Variants in BTRC observed in about 807,000 individuals in gnomAD.
The protein encoded by BTRC is F-box/WD repeat-containing protein 1A.
Under a neutral mutation model 85.5 loss-of-function variants are expected in BTRC, and 42 were observed. The ratio of observed to expected loss-of-function variants is 0.49; its 90% CI spans 0.38 to 0.64. BTRC has a LOEUF of 0.64. Among genes scored for constraint, BTRC ranks in the 30% least tolerant of loss-of-function variants. The probability of loss-of-function intolerance (pLI) is 0.00; values close to 1 mark genes in which losing one functional copy is unlikely to be tolerated. For synonymous variants in BTRC, 255 were observed against 263.3 expected, an observed-to-expected ratio of 0.97 and a Z score of 0.30; for missense variants, 594 against 743.5, an observed-to-expected ratio of 0.80 and a Z score of 2.34.
chr10:101,535,346 T>C lies in BTRC; in HGVS notation c.1348-8T>C, dbSNP rs781710514. Reference sequence around the variant, plus strand: ...AAATCAACTGCTCAATGCCATTTTCTTTTTCAGGTATGGAACACAAGTACT... The same window carrying C: ...AAATCAACTGCTCAATGCCATTTTCCTTTTCAGGTATGGAACACAAGTACT... On this transcript the variant is annotated splice_polypyrimidine_tract_variant and splice_region_variant and intron_variant, in intron 10 of 14. Coordinates refer to ENST00000370187, the MANE Select transcript of BTRC (RefSeq NM_033637.4). 6.2e-7 allele frequency: 1 copy of C among 1,606,276 alleles called. No individual in the cohort carries two copies. Among genetic ancestry groups the C allele is most frequent in the Non-Finnish European group, 8.5e-7 (1 of 1,174,676 alleles).
chr10:101,399,033 A>G (rs551183551), intron 1 of BTRC, among the ~76,000 whole-genome samples: 8 of 152,312 alleles, frequency 5.3e-5, no homozygotes, highest in Admixed American at 3.3e-4. Flanking sequence ...GCTCACTGCA[A>G]CGTCCGCCTC....
At chr10:101,466,784 TA>T (rs1289484771) in intron 3 of BTRC, among the ~76,000 whole-genome samples, 5 of 152,232 alleles carry the variant, frequency 3.3e-5, no homozygotes, top group Non-Finnish European at 7.3e-5. Flanking sequence ...CTGGGCCTTA[TA>T]AAAGGAACTA....
intron 1 of BTRC, among the ~76,000 whole-genome samples, chr10:101,418,121 C>G (rs1480642853): frequency 6.6e-6 from 1 of 152,148 alleles, no homozygotes; most frequent in Non-Finnish European, 1.5e-5. Flanking sequence ...AATCCCAGCA[C>G]TTTGAGAGGC....
chr10:101,428,382 A>G (rs1944315129), intron 1 of BTRC, among the ~76,000 whole-genome samples: 1 of 152,210 alleles, frequency 6.6e-6, no homozygotes, highest in South Asian at 2.1e-4. Flanking sequence ...AGTGAAGACA[A>G]TTATTTTTCT....
At chr10:101,445,194 C>A (rs1203591699) in intron 2 of BTRC, among the ~76,000 whole-genome samples, 2 of 152,090 alleles carry the variant, frequency 1.3e-5, no homozygotes, top group African/African-American at 4.8e-5. Context: ...TTCTTAGATT[C>A]TGTTTTTCAA....
intron 1 of BTRC, among the ~76,000 whole-genome samples, chr10:101,410,895 T>C (rs1943758254): frequency 6.6e-6 from 1 of 152,176 alleles, no homozygotes; most frequent in African/African-American, 2.4e-5. Flanking sequence ...TTCATGTATA[T>C]TATGAACACT....
chr10:101,488,474 A>G (rs925574235), intron 4 of BTRC, among the ~76,000 whole-genome samples: 1 of 152,210 alleles, frequency 6.6e-6, no homozygotes, highest in African/African-American at 2.4e-5. Context: ...TCATCCATTC[A>G]AAGCTCAGAT....
At chr10:101,364,070 A>G (rs561416292) in intron 1 of BTRC, among the ~76,000 whole-genome samples, 5 of 152,204 alleles carry the variant, frequency 3.3e-5, no homozygotes, top group Non-Finnish European at 5.9e-5. Flanking sequence ...GCACAATACT[A>G]TAGTGACAGT....
chr10:101,488,992 G>C (rs1239400875), intron 4 of BTRC, among the ~76,000 whole-genome samples: 2 of 152,046 alleles, frequency 1.3e-5, no homozygotes, highest in Non-Finnish European at 2.9e-5. Context: ...TGCATTTACA[G>C]AAACTTAAGT....
intron 1 of BTRC, among the ~76,000 whole-genome samples, chr10:101,368,492 T>C (rs1942539115): frequency 1.3e-5 from 1 of 78,970 alleles, no homozygotes; most frequent in Non-Finnish European, 3.2e-5. Flanking sequence ...TTTTTTTTTT[T>C]TTTTAGAGAC....
chr10:101,512,607 G>C (rs928172851), intron 4 of BTRC, among the ~76,000 whole-genome samples: 1 of 152,178 alleles, frequency 6.6e-6, no homozygotes, highest in Admixed American at 6.5e-5. Context: ...TACAATGATA[G>C]TTGATGATCA....
chr10:101,452,224 A>C (rs572703856), intron 2 of BTRC, among the ~76,000 whole-genome samples: 1 of 152,366 alleles, frequency 6.6e-6, no homozygotes, highest in South Asian at 2.1e-4. Context: ...CAGTTTCTGC[A>C]TACTAGCATA....
chr10:101,435,258 C>G (rs116990303), intron 2 of BTRC, among the ~76,000 whole-genome samples: 72 of 152,180 alleles, frequency 4.7e-4, no homozygotes, highest in Admixed American at 9.2e-4. Context: ...TAAGTGTACT[C>G]TTAGGTGAGT....
In BTRC at chr10:101,436,618, T is replaced by TA. The variant is rs1180492372; in HGVS notation, c.156+6174dup. Reference sequence around the variant, plus strand: ...TGACAGAGTGAGACCCTGTTTCAATTAAAAAAAATAGATAGATAGATAGAT... The same window carrying TA: ...TGACAGAGTGAGACCCTGTTTCAATTAAAAAAAAATAGATAGATAGATAGAT... On this transcript the variant is annotated intron_variant, in intron 2 of 14. Transcript: ENST00000370187. Among the ~76,000 whole-genome samples, 3 of 120,762 alleles carry TA rather than the reference T, an allele frequency of 2.5e-5. No individual in the cohort carries two copies. In the South Asian group the frequency reaches 8.3e-4, roughly 33 times the overall value. The allele number at this position is 120,762 out of a possible 152,430, so 79.2% of individuals were successfully genotyped here.
chr10:101,412,010 C>T (rs1219637200), intron 1 of BTRC, among the ~76,000 whole-genome samples: 1 of 152,128 alleles, frequency 6.6e-6, no homozygotes, highest in African/African-American at 2.4e-5. Flanking sequence ...CTTTCTAAGG[C>T]TCCTAGTGAA....
chr10:101,517,247 A>G (rs2062035809), intron 4 of BTRC, among the ~76,000 whole-genome samples: 1 of 152,130 alleles, frequency 6.6e-6, no homozygotes, highest in Non-Finnish European at 1.5e-5. Context: ...GTGTATATAA[A>G]ATGGCCTAAT....
intron 2 of BTRC, among the ~76,000 whole-genome samples, chr10:101,450,635 T>A (rs899936066): frequency 6.6e-6 from 1 of 152,194 alleles, no homozygotes; most frequent in African/African-American, 2.4e-5. Context: ...TAATAGGTAG[T>A]ACAGCCGAGT....
In BTRC at chr10:101,532,937, T is replaced by C. The variant is rs1331683776; in HGVS notation, c.979-15T>C. On this transcript the variant is annotated splice_polypyrimidine_tract_variant and intron_variant, in intron 8 of 14. Transcript: ENST00000370187. ...ATCATCACATTGATCAAAAGGATCTTATTTGCCATCCTAGATCTGGGATAA... is the reference window on the plus strand; with the variant it reads ...ATCATCACATTGATCAAAAGGATCTCATTTGCCATCCTAGATCTGGGATAA... The C allele has an allele frequency of 1.3e-6, 2 of 1,582,858 alleles. No individual in the cohort carries two copies. Among genetic ancestry groups the C allele is most frequent in the East Asian group, 4.5e-5 (2 of 44,700 alleles).
At chr10:101,530,771 A>G (rs532629697) in intron 6 of BTRC, among the ~76,000 whole-genome samples, 4 of 152,352 alleles carry the variant, frequency 2.6e-5, no homozygotes, top group Middle Eastern at 3.4e-3. Context: ...ACTCTTTGAC[A>G]TGGGACTCCT....
Sources: gnomAD v4.1 joint callset for allele counts (sites outside exome capture counted in the v4.1 genomes callset) on GRCh38, gnomAD v4.1.1 for gene constraint, MANE v1.5 for transcripts, NCBI Gene and HGNC (gene_info 2026-07-23, HGNC 2026-07-21) for gene names.